RNFT2: variants seen among roughly 807,000 people sequenced by gnomAD.
RNFT2 encodes ring finger protein, transmembrane 2.
A neutral mutation model predicts 53.0 loss-of-function variants in RNFT2; 36 were observed. That is an observed-to-expected ratio of 0.68 (90% CI 0.52 to 0.90). RNFT2 has a LOEUF of 0.90. RNFT2 is among the 40% of genes least tolerant of loss of function. The probability of loss-of-function intolerance (pLI) is 0.00; values close to 1 mark genes in which losing one functional copy is unlikely to be tolerated. For synonymous variants in RNFT2, 260 were observed against 253.2 expected (o/e 1.03, Z -0.26); for missense variants, 514 against 585.6 (o/e 0.88, Z 1.26).
chr12:116,852,037 C>A lies in RNFT2; in HGVS notation c.*2589C>A. 1 of 1,247,186 alleles carries A rather than the reference C, an allele frequency of 8.0e-7. No individual in the cohort carries two copies. The highest frequency in any genetic ancestry group is 1.1e-6 in the Non-Finnish European group (1 of 926,736). The allele number at this position is 1,247,186 out of a possible 1,614,324, so 77.3% of individuals were successfully genotyped here. On this transcript the variant is annotated 3_prime_UTR_variant, in exon 11 of 11. Coordinates refer to ENST00000257575, the MANE Select transcript of RNFT2 (RefSeq NM_001382266.1). ...CCGTAACCATCTGTGCTTCTGTGATCTCTATGACAGAGCCACTTCTCCACC... is the reference window on the plus strand; with the variant it reads ...CCGTAACCATCTGTGCTTCTGTGATATCTATGACAGAGCCACTTCTCCACC...
intron 7 of RNFT2, among the ~76,000 whole-genome samples, chr12:116,800,014 G>A (rs1423789349): frequency 6.6e-6 from 1 of 152,150 alleles, no homozygotes; most frequent in Non-Finnish European, 1.5e-5. Context: ...TGCACGATCT[G>A]ACTGTTTAAA....
intron 7 of RNFT2, among the ~76,000 whole-genome samples, chr12:116,832,149 AT>A (rs201046821): frequency 0.042 from 1,274 of 30,318 alleles, 25 homozygotes; most frequent in African/African-American, 0.087. Context: ...AAAAAAAAAA[AT>A]ATATATATAT....
chr12:116,746,335 C>T (rs1871893149), intron 3 of RNFT2, among the ~76,000 whole-genome samples: 1 of 152,128 alleles, frequency 6.6e-6, no homozygotes, highest in Admixed American at 6.6e-5. Context: ...GGGGTCGGGG[C>T]ACCTGTCTTT....
Position 116,833,956 on chromosome 12 carries a change from A to G in RNFT2, c.1032+15A>G. 1 of 1,586,748 alleles carries G rather than the reference A, an allele frequency of 6.3e-7. No individual in the cohort carries two copies. The highest frequency in any genetic ancestry group is 8.6e-7 in the Non-Finnish European group (1 of 1,169,036). On this transcript the variant is annotated intron_variant, in intron 8 of 10. Transcript: ENST00000257575. ...GCCTCTGCAAGGTGAGGTGGCCCCA[A>G]GGCTGGAGGGCCGGCCTAAGGAGGG...
At chr12:116,816,301 G>C (rs1341759813) in intron 7 of RNFT2, among the ~76,000 whole-genome samples, 3 of 152,180 alleles carry the variant, frequency 2.0e-5, no homozygotes, top group African/African-American at 7.2e-5. Flanking sequence ...TAGATCAAGG[G>C]AACCATGGCC....
At chr12:116,834,241 C>T (rs888999811) in intron 8 of RNFT2, among the ~76,000 whole-genome samples, 9 of 152,086 alleles carry the variant, frequency 5.9e-5, no homozygotes, top group African/African-American at 2.2e-4. Flanking sequence ...CCTCAGCCTC[C>T]AGAATAGCTG....
At position 116,749,841 on chromosome 12, in the gene RNFT2, A is replaced by G. The variant is rs775679111; in HGVS notation, c.84A>G (p.Arg28=). 3 of 1,571,272 alleles carry G rather than the reference A, an allele frequency of 1.9e-6. No individual in the cohort carries two copies. ...GGGTTTCTCTCCCCTTGGCACCCAG[A>G]AACCGCAGCCAGGCGCTCAGCTCCG... is the stretch of plus-strand genomic sequence containing the variant. ...SSNTDNIPPE[R]NRSQALSSEA... The change falls in exon 4 of 11, where the codon AGA becomes AGG. Residue 28 remains arginine, a splice_region_variant and synonymous_variant. Coordinates refer to ENST00000257575, the MANE Select transcript of RNFT2 (RefSeq NM_001382266.1).
At chr12:116,826,250 A>T (rs572896897) in intron 7 of RNFT2, among the ~76,000 whole-genome samples, 1 of 151,708 alleles carries the variant, frequency 6.6e-6, no homozygotes, top group East Asian at 1.9e-4. Flanking sequence ...CCCACCCCTC[A>T]TCTTGGCAGT....
At chr12:116,817,685 G>A (rs1017885867) in intron 7 of RNFT2, among the ~76,000 whole-genome samples, 1 of 152,210 alleles carries the variant, frequency 6.6e-6, no homozygotes, top group Admixed American at 6.5e-5. Flanking sequence ...TTCACTGTAA[G>A]TAAAGTATAT....
At chr12:116,773,119 G>A (rs1354777674) in intron 6 of RNFT2, among the ~76,000 whole-genome samples, 22 of 152,090 alleles carry the variant, frequency 1.4e-4, no homozygotes, top group African/African-American at 5.1e-4. Context: ...GAGCCACCAC[G>A]CCCGGCCAAT....
Position 116,776,358 on chromosome 12 carries a change from A to G in RNFT2, c.729-2837A>G, listed in dbSNP as rs560304248. Among the ~76,000 whole-genome samples the G allele has an allele frequency of 2.0e-5, 3 of 152,342 alleles. No homozygotes were observed. The East Asian group carries it at 5.8e-4, about 29-fold the overall frequency. ...GGATAAGTCAGATCTTCATTTGATC[A>G]TGATCATGGAAGCACTGGAGATTTG... On this transcript the variant is annotated intron_variant, in intron 6 of 10. Coordinates refer to ENST00000257575, the MANE Select transcript of RNFT2 (RefSeq NM_001382266.1).
chr12:116,810,176 G>T (rs529903253), intron 7 of RNFT2, among the ~76,000 whole-genome samples: 1 of 152,122 alleles, frequency 6.6e-6, no homozygotes, highest in African/African-American at 2.4e-5. Context: ...GGTGTTGCAG[G>T]CAAGGAAGCA....
rs1248327742 is a variant in RNFT2, at chr12:116,851,862, T to G, written c.*2414T>G. ...TTGGTCTCCTGTCTTTATGTCTTTCTCCTCTTCCTATTCTGTCATCTCCCT... is the reference window on the plus strand; with the variant it reads ...TTGGTCTCCTGTCTTTATGTCTTTCGCCTCTTCCTATTCTGTCATCTCCCT... On this transcript the variant is annotated 3_prime_UTR_variant, in exon 11 of 11. Coordinates refer to ENST00000257575, the MANE Select transcript of RNFT2 (RefSeq NM_001382266.1). The G allele has an allele frequency of 5.2e-6, 8 of 1,524,444 alleles. No homozygotes were observed. The South Asian group carries it at 8.4e-5, about 16-fold the overall frequency. 94.4% of individuals were successfully genotyped at this position (1,524,444 alleles called of 1,614,324 possible).
At chr12:116,783,717 G>C (rs911238400) in intron 7 of RNFT2, among the ~76,000 whole-genome samples, 6 of 152,226 alleles carry the variant, frequency 3.9e-5, no homozygotes, top group African/African-American at 1.4e-4. Context: ...GCACCTGTTG[G>C]CTGCTGGAAT....
chr12:116,829,747 T>C (rs957929436), intron 7 of RNFT2, among the ~76,000 whole-genome samples: 3 of 152,138 alleles, frequency 2.0e-5, no homozygotes, highest in Non-Finnish European at 2.9e-5. Flanking sequence ...ACCCGGCTAT[T>C]TTTTTGTATT....
intron 7 of RNFT2, among the ~76,000 whole-genome samples, chr12:116,802,382 G>A (rs1408907564): frequency 1.3e-5 from 2 of 152,148 alleles, no homozygotes; most frequent in Non-Finnish European, 2.9e-5. Flanking sequence ...TGTAAATAAA[G>A]TTCTGTTGGA....
At chr12:116,764,452 A>C (rs1169320889) in intron 5 of RNFT2, among the ~76,000 whole-genome samples, 1 of 152,190 alleles carries the variant, frequency 6.6e-6, no homozygotes, top group East Asian at 1.9e-4. Flanking sequence ...TCTCAAAAGC[A>C]CTTGGGCCTC....
chr12:116,755,873 A>C, intron 5 of RNFT2: 1 of 1,530,786 alleles, frequency 6.5e-7, no homozygotes, highest in South Asian at 1.1e-5. Flanking sequence ...TGTGTTCGTC[A>C]TTTTGGCGAA....
rs1049152592 is a variant in RNFT2, at chr12:116,849,588, G to A, written c.*140G>A. The A allele has an allele frequency of 8.1e-5, 115 of 1,416,454 alleles. No homozygotes were observed. Among genetic ancestry groups the A allele is most frequent in the Middle Eastern group, 2.5e-4 (1 of 4,032 alleles). The allele number at this position is 1,416,454 out of a possible 1,614,324, so 87.7% of individuals were successfully genotyped here. A position where few individuals can be genotyped will look rare whatever the true frequency, so the allele number is the denominator to read the frequency against. The stretch of plus-strand genomic sequence containing the variant: ...CCACCACCTCTGACCCCAAAGTCCC[G>A]CCCCTGTCTTGTCCTTCTGACCTTC... On this transcript the variant is annotated 3_prime_UTR_variant, in exon 11 of 11. Transcript: ENST00000257575.
Sources: allele counts gnomAD v4.1 joint callset (sites outside exome capture counted in the v4.1 genomes callset), GRCh38; gene constraint gnomAD v4.1.1; transcripts MANE v1.5; gene names NCBI Gene and HGNC (gene_info 2026-07-23, HGNC 2026-07-21).